PTPN4: variants seen among roughly 807,000 people sequenced by gnomAD.
The protein encoded by PTPN4 is tyrosine-protein phosphatase non-receptor type 4.
Under a neutral mutation model 135.5 loss-of-function variants are expected in PTPN4, and 49 were observed. The observed-to-expected ratio is 0.36, with a 90% CI of 0.29 to 0.46. PTPN4 has a LOEUF of 0.46. Among genes scored for constraint, PTPN4 ranks in the 20% least tolerant of loss-of-function variants. PTPN4 has a pLI of 1.00. For missense variants in PTPN4, 860 were observed against 1,101.0 expected, an observed-to-expected ratio of 0.78 and a Z score of 3.10; for synonymous variants, 333 against 369.9, an observed-to-expected ratio of 0.90 and a Z score of 1.14.
At chr2:119,774,978 C>G (rs1690804221) in intron 1 of PTPN4, among the ~76,000 whole-genome samples, 3 of 151,302 alleles carry the variant, frequency 2.0e-5, no homozygotes, top group Admixed American at 1.3e-4. Context: ...TATCGCGCCA[C>G]TGCACTCCAG....
At chr2:119,959,231 C>T (rs1679330142) in intron 22 of PTPN4, among the ~76,000 whole-genome samples, 1 of 120,438 alleles carries the variant, frequency 8.3e-6, no homozygotes, top group South Asian at 3.0e-4. Flanking sequence ...GAATATATCT[C>T]TGATAAGGCC....
intron 1 of PTPN4, among the ~76,000 whole-genome samples, chr2:119,766,667 T>C (rs1690636881): frequency 1.3e-5 from 2 of 152,156 alleles, no homozygotes. Flanking sequence ...TCCTGACTTC[T>C]AGATAATGAT....
intron 2 of PTPN4, among the ~76,000 whole-genome samples, chr2:119,832,261 C>T (rs772884222): frequency 3.2e-4 from 48 of 152,188 alleles, no homozygotes; most frequent in Non-Finnish European, 6.3e-4. Context: ...CATGCTAGCT[C>T]AGTAACAGAC....
At chr2:119,832,252 A>T (rs1178817471) in intron 2 of PTPN4, among the ~76,000 whole-genome samples, 1 of 152,156 alleles carries the variant, frequency 6.6e-6, no homozygotes, top group Admixed American at 6.5e-5. Context: ...CTTTTTTTCC[A>T]TGCTAGCTCA....
chr2:119,953,917 T>C (rs144175428), intron 19 of PTPN4, among the ~76,000 whole-genome samples: 1 of 152,314 alleles, frequency 6.6e-6, no homozygotes, highest in Non-Finnish European at 1.5e-5. Context: ...TGCTTTATAG[T>C]ATGAGAGGAA....
intron 9 of PTPN4, among the ~76,000 whole-genome samples, chr2:119,895,723 C>A (rs1190852738): frequency 6.6e-6 from 1 of 152,128 alleles, no homozygotes. Context: ...AGATCGAGAC[C>A]ATCCTGGCTA....
chr2:119,779,246 A>G (rs935169251), intron 1 of PTPN4, among the ~76,000 whole-genome samples: 2 of 152,240 alleles, frequency 1.3e-5, no homozygotes, highest in African/African-American at 4.8e-5. Flanking sequence ...TTATAATTAC[A>G]TACAAAACAT....
intron 1 of PTPN4, among the ~76,000 whole-genome samples, chr2:119,792,165 T>C (rs1197616802): frequency 6.6e-6 from 1 of 152,238 alleles, no homozygotes; most frequent in Non-Finnish European, 1.5e-5. Context: ...ACTGTCCTTT[T>C]ATTTCAAAAG....
At chr2:119,947,709 G>A (rs561070702) in intron 18 of PTPN4, among the ~76,000 whole-genome samples, 33 of 150,890 alleles carry the variant, frequency 2.2e-4, no homozygotes, top group Non-Finnish European at 4.1e-4. Context: ...TCCAGTCTAA[G>A]TAAAAACAGT....
chr2:119,770,772 T>A (rs1553431808), intron 1 of PTPN4, among the ~76,000 whole-genome samples: 1 of 152,226 alleles, frequency 6.6e-6, no homozygotes, highest in Non-Finnish European at 1.5e-5. Flanking sequence ...TAGACCCTTT[T>A]ACTTGTGTAA....
intron 2 of PTPN4, among the ~76,000 whole-genome samples, chr2:119,823,777 A>C (rs1234950005): frequency 2.0e-5 from 3 of 152,176 alleles, no homozygotes; most frequent in Admixed American, 6.5e-5. Context: ...AGCCTTTATG[A>C]GTGCCGTTTT....
At chr2:119,784,210 C>G (rs1201739551) in intron 1 of PTPN4, among the ~76,000 whole-genome samples, 3 of 151,350 alleles carry the variant, frequency 2.0e-5, no homozygotes, top group Non-Finnish European at 4.4e-5. Context: ...AAAGCAATTA[C>G]AAGTCTCAAG....
intron 11 of PTPN4, among the ~76,000 whole-genome samples, chr2:119,917,053 A>T (rs989176553): frequency 6.6e-6 from 1 of 152,242 alleles, no homozygotes; most frequent in African/African-American, 2.4e-5. Context: ...TACTTTAAGT[A>T]ATCATAGATG....
chr2:119,866,070 G>A (rs1218279170), intron 3 of PTPN4, among the ~76,000 whole-genome samples: 2 of 151,942 alleles, frequency 1.3e-5, no homozygotes, highest in African/African-American at 4.8e-5. Flanking sequence ...ATAATATCTT[G>A]TTGTAGTAGT....
chr2:119,847,315 C>CATATAT (rs1307603803), intron 2 of PTPN4, among the ~76,000 whole-genome samples: 7 of 94,498 alleles, frequency 7.4e-5, no homozygotes, highest in African/African-American at 3.0e-4. Context: ...CACACACACA[C>CATATAT]ATATATATAT....
intron 1 of PTPN4, among the ~76,000 whole-genome samples, chr2:119,771,183 A>C (rs952916579): frequency 2.0e-5 from 3 of 152,198 alleles, no homozygotes; most frequent in Non-Finnish European, 4.4e-5. Context: ...GGACACATGA[A>C]AGTGATGCCT....
intron 1 of PTPN4, among the ~76,000 whole-genome samples, chr2:119,784,700 T>A (rs1226357884): frequency 1.4e-5 from 2 of 145,538 alleles, no homozygotes; most frequent in Non-Finnish European, 3.0e-5. Flanking sequence ...CAGCTAATTT[T>A]TTTTTTTTTT....
chr2:119,943,283 A>G (rs992833074), intron 15 of PTPN4, among the ~76,000 whole-genome samples: 2 of 152,168 alleles, frequency 1.3e-5, no homozygotes, highest in African/African-American at 4.8e-5. Flanking sequence ...CAACCTCTCA[A>G]TAAGCTTACA....
chr2:119,928,088 T>C (rs1178940943), intron 13 of PTPN4, among the ~76,000 whole-genome samples: 2 of 152,228 alleles, frequency 1.3e-5, no homozygotes, highest in East Asian at 3.8e-4. Flanking sequence ...AGAGACATTT[T>C]TATATATGTG....
Sources: allele counts gnomAD v4.1 joint callset (sites outside exome capture counted in the v4.1 genomes callset), GRCh38; gene constraint gnomAD v4.1.1; transcripts MANE v1.5; gene names NCBI Gene and HGNC (gene_info 2026-07-23, HGNC 2026-07-21).